The following CSN1S1 variants were observed in gnomAD, a reference collection of about 807,000 sequenced individuals.
CSN1S1 encodes the protein alpha-S1-casein.
Under a neutral mutation model 49.1 loss-of-function variants are expected in CSN1S1, and 63 were observed. That is an observed-to-expected ratio of 1.28 (90% confidence interval 1.05 to 1.58). CSN1S1 has a LOEUF of 1.58. Among genes scored for constraint, CSN1S1 ranks in the 40% most tolerant of loss-of-function variants. The pLI is 0.00. For missense variants in CSN1S1, 260 were observed against 224.7 expected (o/e 1.16, Z -1.01); for synonymous variants, 78 against 67.1 (o/e 1.16, Z -0.79).
chr4:69,945,122 C>G, intron 15 of CSN1S1, 118 bp downstream of exon 15: 1 of 1,039,672 alleles, frequency 9.6e-7, no homozygotes, highest in Non-Finnish European at 1.4e-6. Flanking sequence ...ATGCCTACTG[C>G]AAAGGACTAA....
intron 14 of CSN1S1, 133 bp downstream of exon 14, chr4:69,942,710 A>C: frequency 7.4e-6 from 5 of 675,618 alleles, no homozygotes; most frequent in East Asian, 2.8e-5. Flanking sequence ...CTTAAATCTC[A>C]GTTCTGACAA....
chr4:69,945,913 A>G (rs1723150589), intron 15 of CSN1S1, among the ~76,000 whole-genome samples: 2 of 151,980 alleles, frequency 1.3e-5, no homozygotes, highest in African/African-American at 4.8e-5. Flanking sequence ...TAAACCAAGG[A>G]AAATGACCAA....
chr4:69,933,311 A>G (rs1342762251), intron 2 of CSN1S1, among the ~76,000 whole-genome samples: 1 of 152,040 alleles, frequency 6.6e-6, no homozygotes, highest in East Asian at 1.9e-4. Flanking sequence ...GAATCACCTG[A>G]CTGGAAAAAA....
chr4:69,939,241 A>G (rs990963479), intron 10 of CSN1S1, 33 bp downstream of exon 10: 1 of 1,516,568 alleles, frequency 6.6e-7, no homozygotes, highest in Non-Finnish European at 9.1e-7. Flanking sequence ...CTGTGTCCCA[A>G]CTAATTTAAA....
Position 69,934,715 on chromosome 4 carries a change from G to A in CSN1S1, c.105+5G>A. On this transcript the variant is annotated splice_donor_5th_base_variant and intron_variant, in intron 4 of 15. Transcript: ENST00000246891. ...AATCCATCAGAGAGCAGTGAGGTAAGCTCTGTTTATGGGGAGTCAGGATTC... is the reference window on the plus strand; with the variant it reads ...AATCCATCAGAGAGCAGTGAGGTAAACTCTGTTTATGGGGAGTCAGGATTC... 1 of 1,609,100 alleles carries A rather than the reference G, an allele frequency of 6.2e-7. No individual in the cohort carries two copies. Among genetic ancestry groups the A allele is most frequent in the South Asian group, 1.1e-5 (1 of 90,794 alleles).
intron 5 of CSN1S1, among the ~76,000 whole-genome samples, 183 bp from the exon 6 acceptor site, chr4:69,936,258 TTGATTGACTTAATTG>T (rs1192671047): frequency 1.3e-5 from 2 of 151,962 alleles, no homozygotes; most frequent in African/African-American, 4.8e-5. Flanking sequence ...GACTACTGAT[TTGATTGACTTAATTG>T]TGTAGTGAGA....
rs1166934479 is a variant in CSN1S1 at position 69,939,098 on chromosome 4, C to G, written c.244-78C>G. On this transcript the variant is annotated intron_variant, in intron 9 of 15. Transcript: ENST00000246891. ...TAATGTTACCATGGTAAGCATTTCACCATGATGACATGGAACTAGTTTCCT... is the reference window on the plus strand; with the variant it reads ...TAATGTTACCATGGTAAGCATTTCAGCATGATGACATGGAACTAGTTTCCT... 6.7e-6 allele frequency: 7 copies of G among 1,037,804 alleles called. No individual in the cohort carries two copies. The East Asian group carries it at 1.7e-4, about 25-fold the overall frequency. 64.3% of individuals were successfully genotyped at this position (1,037,804 alleles called of 1,614,324 possible). A position where few individuals can be genotyped will look rare whatever the true frequency, so the allele number is the denominator to read the frequency against.
rs899897981 is a variant in CSN1S1 at position 69,934,711 on chromosome 4, G to T, written c.105+1G>T. ...ACAGAATCCATCAGAGAGCAGTGAG[G>T]TAAGCTCTGTTTATGGGGAGTCAGG... On this transcript the variant is annotated splice_donor_variant, in intron 4 of 15. Coordinates refer to ENST00000246891, the MANE Select transcript of CSN1S1 (RefSeq NM_001890.2). LOFTEE classifies it high-confidence loss of function. The T allele has an allele frequency of 1.2e-6, 2 of 1,609,032 alleles. No homozygotes were observed. Among genetic ancestry groups the T allele is most frequent in the African/African-American group, 1.3e-5 (1 of 74,720 alleles).
intron 11 of CSN1S1, 131 bp downstream of exon 11, chr4:69,940,175 A>ACCTT: frequency 4.7e-6 from 2 of 421,104 alleles, no homozygotes; most frequent in Non-Finnish European, 8.4e-6. Flanking sequence ...TACCAATGCC[A>ACCTT]TCTGGAAAGG....
chr4:69,934,322 A>G (rs1045016870), intron 3 of CSN1S1, 78 bp downstream of exon 3: 14 of 1,357,944 alleles, frequency 1.0e-5, no homozygotes, highest in Non-Finnish European at 1.2e-5. Context: ...TCCCTTCTCT[A>G]TGAAACAGCC....
At chr4:69,939,298 T>C in intron 10 of CSN1S1, 90 bp downstream of exon 10, 1 of 922,100 alleles carries the variant, frequency 1.1e-6, no homozygotes, top group Non-Finnish European at 1.7e-6. Context: ...CCTTAAGGTC[T>C]CATTGTACAA....
intron 14 of CSN1S1, among the ~76,000 whole-genome samples, chr4:69,943,816 A>G (rs1723061368): frequency 6.6e-6 from 1 of 151,948 alleles, no homozygotes; most frequent in Non-Finnish European, 1.5e-5. Flanking sequence ...AAACAAACTC[A>G]CCCTTGCAAC....
Position 69,940,052 on chromosome 4 carries a change from A to G in CSN1S1, c.300+8A>G. 1 of 1,358,530 alleles carries G rather than the reference A, an allele frequency of 7.4e-7. No individual in the cohort carries two copies. The highest frequency in any genetic ancestry group is 9.9e-7 in the Non-Finnish European group (1 of 1,005,272). The allele number at this position is 1,358,530 out of a possible 1,614,324, so 84.2% of individuals were successfully genotyped here. A position where few individuals can be genotyped will look rare whatever the true frequency, so the allele number is the denominator to read the frequency against. ...TCTCTCAGTAAGTGTGCGGTAAGAC[A>G]TATTTGCTAAATTTAAAATATATTA... On this transcript the variant is annotated splice_region_variant and intron_variant, in intron 11 of 15. Transcript: ENST00000246891.
In CSN1S1 at chr4:69,946,229, C is replaced by T; in HGVS notation, c.*33C>T. Reference sequence around the variant, plus strand: ...GAAAATTTCATTCTCTGAATTTCTCCTCTCAAGGAAAACCATCTTATCTGA... The same window carrying T: ...GAAAATTTCATTCTCTGAATTTCTCTTCTCAAGGAAAACCATCTTATCTGA... On this transcript the variant is annotated 3_prime_UTR_variant, in exon 16 of 16. Transcript: ENST00000246891. 1 of 526,662 alleles carries T rather than the reference C, an allele frequency of 1.9e-6. No individual in the cohort carries two copies. Among genetic ancestry groups the T allele is most frequent in the South Asian group, 2.7e-5 (1 of 36,808 alleles). The allele number at this position is 526,662 out of a possible 1,614,324, so 32.6% of individuals were successfully genotyped here.
At chr4:69,939,262 A>G in intron 10 of CSN1S1, 54 bp downstream of exon 10, 3 of 1,327,950 alleles carry the variant, frequency 2.3e-6, no homozygotes, top group Non-Finnish European at 3.2e-6. Context: ...AAATTATGAA[A>G]ACTTGTACCG....
intron 14 of CSN1S1, among the ~76,000 whole-genome samples, chr4:69,943,703 C>T (rs1723056572): frequency 6.6e-6 from 1 of 151,874 alleles, no homozygotes. Flanking sequence ...GCTGTAAGTC[C>T]AAGATTGAGA....
rs140487897 is a variant in CSN1S1 at position 69,936,773 on chromosome 4, G to T, written c.195+166G>T. On this transcript the variant is annotated intron_variant, in intron 7 of 15. Coordinates refer to ENST00000246891, the MANE Select transcript of CSN1S1 (RefSeq NM_001890.2). ...AATGGAGTCTGCTGAGAATTCTGAA[G>T]AAAATGATTTCATTGACTTAATTGT... Among the ~76,000 whole-genome samples, 6 of 151,978 alleles carry T rather than the reference G, an allele frequency of 3.9e-5. No individual in the cohort carries two copies. In the East Asian group the frequency reaches 1.2e-3, roughly 29 times the overall value.
At chr4:69,934,183 T>C in intron 2 of CSN1S1, 29 bp from the exon 3 acceptor site, 1 of 1,582,166 alleles carries the variant, frequency 6.3e-7, no homozygotes, top group African/African-American at 1.3e-5. Flanking sequence ...TTACTTTTTG[T>C]TTTACAATTC....
At chr4:69,942,506 G>A (rs1188232273) in intron 13 of CSN1S1, 30 bp from the exon 14 acceptor site, 1 of 1,543,940 alleles carries the variant, frequency 6.5e-7, no homozygotes, top group African/African-American at 1.4e-5. Context: ...AGATGTCTAA[G>A]TAATTTAGAA....
Sources: gnomAD v4.1 joint callset for allele counts (sites outside exome capture counted in the v4.1 genomes callset) on GRCh38, gnomAD v4.1.1 for gene constraint, MANE v1.5 for transcripts, NCBI Gene and HGNC (gene_info 2026-07-23, HGNC 2026-07-21) for gene names.